BICRAL: variants seen among roughly 807,000 people sequenced by gnomAD.
The protein encoded by BICRAL is BRD4-interacting chromatin-remodeling complex-associated protein-like.
In BICRAL, 8 loss-of-function variants were observed where a neutral mutation model predicts 91.8. The observed-to-expected ratio is 0.09, with a 90% confidence interval of 0.05 to 0.16. The LOEUF (loss-of-function observed/expected upper bound fraction) is 0.16. Ranked by LOEUF, BICRAL falls within the 10% of genes least tolerant of loss-of-function variation. The probability of loss-of-function intolerance (pLI) is 1.00; values close to 1 mark genes in which losing one functional copy is unlikely to be tolerated. For missense variants in BICRAL, 1,038 were observed against 1,310.9 expected (o/e 0.79, Z 3.21); for synonymous variants, 445 against 491.1 (o/e 0.91, Z 1.24).
At chr6:42,765,998 G>A (rs1762628376) in intron 1 of BICRAL, among the ~76,000 whole-genome samples, 1 of 152,060 alleles carries the variant, frequency 6.6e-6, no homozygotes, top group Non-Finnish European at 1.5e-5. Context: ...TTTCTTTTGA[G>A]ACCAGGTTAT....
At chr6:42,794,821 C>T (rs1763376220) in intron 1 of BICRAL, among the ~76,000 whole-genome samples, 1 of 147,864 alleles carries the variant, frequency 6.8e-6, no homozygotes, top group Admixed American at 6.8e-5. Flanking sequence ...AATAGCCGGG[C>T]GTGGTGGCGG....
chr6:42,851,133 C>T (rs895406433), intron 6 of BICRAL, among the ~76,000 whole-genome samples: 5 of 152,084 alleles, frequency 3.3e-5, no homozygotes, highest in East Asian at 1.9e-4. Flanking sequence ...TGCAGTGAGT[C>T]GAGATCGTGC....
intron 2 of BICRAL, chr6:42,821,177 G>C (rs1012486131): frequency 1.3e-5 from 2 of 152,264 alleles, no homozygotes; most frequent in African/African-American, 4.8e-5. Context: ...TGGCTCAAAA[G>C]GGTGTGAAGC....
intron 6 of BICRAL, among the ~76,000 whole-genome samples, chr6:42,838,526 A>T (rs1350109591): frequency 6.6e-6 from 1 of 152,204 alleles, no homozygotes; most frequent in Non-Finnish European, 1.5e-5. Flanking sequence ...GATCTCCAGG[A>T]TAGACCATGT....
intron 1 of BICRAL, among the ~76,000 whole-genome samples, chr6:42,769,712 A>G (rs1306249350): frequency 6.6e-6 from 1 of 152,036 alleles, no homozygotes; most frequent in Non-Finnish European, 1.5e-5. Flanking sequence ...TACCACATTT[A>G]TCCTCATGGA....
chr6:42,857,260 C>T, intron 10 of BICRAL, 24 bp downstream of exon 10: 1 of 1,595,008 alleles, frequency 6.3e-7, no homozygotes, highest in Non-Finnish European at 8.6e-7. Context: ...GACCCTAAGG[C>T]ACCACTCTGA....
chr6:42,775,599 T>C (rs2395936), intron 1 of BICRAL, among the ~76,000 whole-genome samples: 152,219 of 152,324 alleles, frequency 1, 76,057 homozygotes, highest in Middle Eastern at 1. Context: ...CCTCAACATA[T>C]TCTATGGGGA....
intron 1 of BICRAL, among the ~76,000 whole-genome samples, chr6:42,787,283 A>G (rs1763128272): frequency 3.3e-5 from 5 of 152,164 alleles, no homozygotes; most frequent in Admixed American, 3.3e-4. Flanking sequence ...TGGAGGAGGA[A>G]CAGGTGGAGA....
At chr6:42,832,495 A>G (rs1488086810) in intron 6 of BICRAL, among the ~76,000 whole-genome samples, 3 of 149,884 alleles carry the variant, frequency 2.0e-5, no homozygotes, top group Admixed American at 6.7e-5. Flanking sequence ...TACTAATTTC[A>G]CTAAGAATCC....
At chr6:42,852,274 A>T (rs747145666) in intron 7 of BICRAL, 77 bp downstream of exon 7, 27 of 864,086 alleles carry the variant, frequency 3.1e-5, no homozygotes, top group Non-Finnish European at 5.3e-5. Context: ...CTCATTCTGC[A>T]CGAAAGCTTT....
At chr6:42,781,973 T>C (rs1358712759), upstream of BICRAL, 1 of 144,736 alleles carries the variant, frequency 6.9e-6, no homozygotes, top group Non-Finnish European at 1.5e-5. Flanking sequence ...GGAGCGCGTG[T>C]GGCCGGCGCC....
intron 6 of BICRAL, among the ~76,000 whole-genome samples, chr6:42,851,011 C>G (rs140463778): frequency 0.013 from 2,001 of 151,684 alleles, 42 homozygotes; most frequent in African/African-American, 0.046. Context: ...ATGGTGAAAC[C>G]CTGTCTCTAC....
chr6:42,840,666 A>C (rs941670652), intron 6 of BICRAL, among the ~76,000 whole-genome samples: 1 of 152,034 alleles, frequency 6.6e-6, no homozygotes, highest in Non-Finnish European at 1.5e-5. Context: ...ACCCCCTAGT[A>C]GCTGGGATTA....
At chr6:42,782,893 C>T (rs983411163) in intron 1 of BICRAL, among the ~76,000 whole-genome samples, 5 of 151,834 alleles carry the variant, frequency 3.3e-5, no homozygotes, top group Non-Finnish European at 7.4e-5. Flanking sequence ...GTTTTCCCCC[C>T]CTCGTTTCTT....
At chr6:42,851,476 C>G (rs928596659) in intron 6 of BICRAL, among the ~76,000 whole-genome samples, 1 of 152,124 alleles carries the variant, frequency 6.6e-6, no homozygotes, top group Non-Finnish European at 1.5e-5. Context: ...AAGAAACACA[C>G]AACAATTTAA....
chr6:42,857,013 T>C, intron 9 of BICRAL, 78 bp from the exon 10 acceptor site: 2 of 1,218,630 alleles, frequency 1.6e-6, no homozygotes, highest in Non-Finnish European at 2.3e-6. Flanking sequence ...TCTTATTTTA[T>C]TTGCATGCAA....
intron 6 of BICRAL, among the ~76,000 whole-genome samples, chr6:42,830,782 G>A (rs1764453205): frequency 6.6e-6 from 1 of 151,930 alleles, no homozygotes; most frequent in South Asian, 2.1e-4. Context: ...CACCTAACTA[G>A]TTTTTTGTAT....
intron 1 of BICRAL, among the ~76,000 whole-genome samples, chr6:42,760,043 G>C (rs1034752208): frequency 2.0e-5 from 3 of 152,084 alleles, no homozygotes. Context: ...TCAGGAGTTC[G>C]AGACCGGCCT....
chr6:42,850,239 G>T (rs967041109), intron 6 of BICRAL, among the ~76,000 whole-genome samples: 14 of 152,016 alleles, frequency 9.2e-5, no homozygotes, highest in Admixed American at 2.0e-4. Flanking sequence ...AACCGAAGAG[G>T]CTGGGTGTAG....
Sources: allele counts gnomAD v4.1 joint callset (sites outside exome capture counted in the v4.1 genomes callset), GRCh38; gene constraint gnomAD v4.1.1; transcripts MANE v1.5; gene names NCBI Gene and HGNC (gene_info 2026-07-23, HGNC 2026-07-21).